The following HECW1 variants were observed in gnomAD, a reference collection of about 807,000 sequenced individuals.
The protein encoded by HECW1 is E3 ubiquitin-protein ligase HECW1.
HECW1 carries 61 observed loss-of-function variants against 182.3 expected under a neutral mutation model. The observed-to-expected ratio is 0.33, with a 90% CI of 0.27 to 0.41. The LOEUF (loss-of-function observed/expected upper bound fraction) is 0.41, where lower values mean the gene tolerates loss of function less well. Ranked by LOEUF, HECW1 falls within the 10% of genes least tolerant of loss-of-function variation. The pLI is 1.00. For synonymous variants in HECW1, 859 were observed against 832.6 expected, an observed-to-expected ratio of 1.03 and a Z score of -0.55; for missense variants, 1,739 against 2,108.9, an observed-to-expected ratio of 0.82 and a Z score of 3.44.
intron 5 of HECW1, among the ~76,000 whole-genome samples, chr7:43,333,025 C>A (rs994033294): frequency 6.6e-6 from 1 of 152,132 alleles, no homozygotes; most frequent in Admixed American, 6.5e-5. Flanking sequence ...GCCAATAGAC[C>A]AAAGTAGGCC....
intron 2 of HECW1, among the ~76,000 whole-genome samples, chr7:43,196,164 C>G (rs1794438977): frequency 6.6e-6 from 1 of 152,172 alleles, no homozygotes; most frequent in Non-Finnish European, 1.5e-5. Context: ...TCTTATCTTA[C>G]CTCCAGTGCT....
intron 8 of HECW1, among the ~76,000 whole-genome samples, chr7:43,417,662 G>C (rs1018689397): frequency 1.6e-4 from 24 of 152,110 alleles, no homozygotes; most frequent in African/African-American, 5.8e-4. Flanking sequence ...CAGAGTTCAA[G>C]GCCAGCCAGG....
Position 43,493,066 on chromosome 7 carries a change from T to C in HECW1, c.3341-18T>C, listed in dbSNP as rs781244625. 3.1e-5 allele frequency: 49 copies of C among 1,577,708 alleles called. No individual in the cohort carries two copies. Among genetic ancestry groups the C allele is most frequent in the Non-Finnish European group, 4.2e-5 (48 of 1,147,790 alleles). On this transcript the variant is annotated intron_variant, in intron 18 of 29. Coordinates refer to ENST00000395891, the MANE Select transcript of HECW1 (RefSeq NM_015052.5). ...TGGGCTGCAGACTCAACCACAACTG[T>C]GCTTTTGTCTGTTTCAGCATATAAT...
intron 9 of HECW1, among the ~76,000 whole-genome samples, 195 bp from the exon 10 acceptor site, chr7:43,442,334 A>G (rs1249785269): frequency 1.3e-5 from 2 of 152,198 alleles, no homozygotes; most frequent in African/African-American, 4.8e-5. Context: ...TGATGAGTTT[A>G]TTGGGTCATA....
chr7:43,242,913 G>A (rs1011969555), intron 2 of HECW1, among the ~76,000 whole-genome samples: 11 of 152,114 alleles, frequency 7.2e-5, no homozygotes, highest in South Asian at 2.1e-4. Flanking sequence ...ATCTCAGTAC[G>A]TAGATGTTGA....
chr7:43,428,218 T>G (rs2076423380), intron 8 of HECW1, among the ~76,000 whole-genome samples: 1 of 152,242 alleles, frequency 6.6e-6, no homozygotes, highest in Non-Finnish European at 1.5e-5. Context: ...CCGTAGATTT[T>G]CTGCCAGAAC....
In HECW1 at chr7:43,311,809, C is replaced by T; in HGVS notation, c.74C>T (p.Pro25Leu). 1 of 1,614,086 alleles carries T rather than the reference C, an allele frequency of 6.2e-7. No individual in the cohort carries two copies. Among genetic ancestry groups the T allele is most frequent in the Non-Finnish European group, 8.5e-7 (1 of 1,179,978 alleles). Residue 25 changes from proline (P) to leucine (L), a missense_variant, in exon 4 of 30, where the codon CCT (proline) becomes CTT (leucine). Transcript: ENST00000395891. ...RFLGLAAMAS[P>L]SRNSQSRRRC... ...TTAGGCCTGGCCGCCATGGCGTCTC[C>T]TTCTAGAAACTCCCAGAGCCGACGC... is the stretch of plus-strand genomic sequence containing the variant.
At chr7:43,192,980 A>T (rs970761133) in intron 2 of HECW1, among the ~76,000 whole-genome samples, 2 of 152,130 alleles carry the variant, frequency 1.3e-5, no homozygotes, top group Non-Finnish European at 2.9e-5. Context: ...GGCTGTTTTT[A>T]TGGCTATTTC....
chr7:43,452,646 T>C (rs1388343285), intron 12 of HECW1, among the ~76,000 whole-genome samples: 1 of 152,248 alleles, frequency 6.6e-6, no homozygotes, highest in Admixed American at 6.5e-5. Flanking sequence ...GCTTACAGTC[T>C]AGTCTGGAAG....
At chr7:43,201,065 GGT>G (rs1018237563) in intron 2 of HECW1, among the ~76,000 whole-genome samples, 2 of 152,232 alleles carry the variant, frequency 1.3e-5, no homozygotes, top group South Asian at 2.1e-4. Context: ...TGATAGGGGA[GGT>G]GTGTGTGTGT....
At chr7:43,353,549 A>G (rs1467460514) in intron 5 of HECW1, among the ~76,000 whole-genome samples, 1 of 152,152 alleles carries the variant, frequency 6.6e-6, no homozygotes, top group African/African-American at 2.4e-5. Flanking sequence ...TATGAGGGTA[A>G]GACAGCTCTC....
At chr7:43,466,148 A>AGAAAGAAGGAAGGAAG (rs555204731) in intron 14 of HECW1, among the ~76,000 whole-genome samples, 1 of 145,836 alleles carries the variant, frequency 6.9e-6, no homozygotes, top group Admixed American at 6.8e-5. Flanking sequence ...AAAGAGAGAG[A>AGAAAGAAGGAAGGAAG]GAAAGAAGGA....
chr7:43,177,366 CA>C (rs958505737), intron 2 of HECW1, among the ~76,000 whole-genome samples: 13 of 152,282 alleles, frequency 8.5e-5, no homozygotes, highest in African/African-American at 2.6e-4. Context: ...ACCCTTCATT[CA>C]AAAAGGTCAT....
chr7:43,502,812 A>G lies in HECW1; in HGVS notation c.3631+1490A>G, dbSNP rs149788125. On this transcript the variant is annotated intron_variant, in intron 21 of 29. Coordinates refer to ENST00000395891, the MANE Select transcript of HECW1 (RefSeq NM_015052.5). ...TATCACATTGTTGTAGGTTTCATTT[A>G]AAGTAAAAGAGATCAGTTTGAAACA... Among the ~76,000 whole-genome samples, 245 of 152,330 alleles carry G rather than the reference A, an allele frequency of 1.6e-3. 3 individuals carry two copies. In the East Asian group the frequency reaches 0.037, roughly 23 times the overall value.
chr7:43,326,383 A>C (rs1676368717), intron 5 of HECW1, among the ~76,000 whole-genome samples: 1 of 152,232 alleles, frequency 6.6e-6, no homozygotes, highest in African/African-American at 2.4e-5. Flanking sequence ...TCTAAGCCAG[A>C]GGCAGCATGA....
intron 5 of HECW1, among the ~76,000 whole-genome samples, chr7:43,336,765 T>A (rs567520793): frequency 2.6e-5 from 4 of 152,196 alleles, no homozygotes; most frequent in Non-Finnish European, 5.9e-5. Context: ...TGTGTACCCA[T>A]TGTTTAGCTC....
chr7:43,290,034 G>T (rs563466995), intron 3 of HECW1, among the ~76,000 whole-genome samples: 2 of 152,180 alleles, frequency 1.3e-5, no homozygotes, highest in Admixed American at 1.3e-4. Flanking sequence ...AAGCCTTATC[G>T]GTAGAAGGCT....
chr7:43,209,253 C>T (rs1388268360), intron 2 of HECW1, among the ~76,000 whole-genome samples: 2 of 152,110 alleles, frequency 1.3e-5, no homozygotes, highest in African/African-American at 2.4e-5. Context: ...ACATACGGCA[C>T]GCTGGCCCCC....
intron 3 of HECW1, among the ~76,000 whole-genome samples, chr7:43,253,129 TTAAA>T (rs1562738383): frequency 1.7e-5 from 2 of 118,672 alleles, no homozygotes; most frequent in South Asian, 2.7e-4. Context: ...CATCCGCACT[TTAAA>T]AAAAAAAAAA....
Sources: gnomAD v4.1 joint callset for allele counts (sites outside exome capture counted in the v4.1 genomes callset) on GRCh38, gnomAD v4.1.1 for gene constraint, MANE v1.5 for transcripts, NCBI Gene and HGNC (gene_info 2026-07-23, HGNC 2026-07-21) for gene names.